MCM8: variants seen among roughly 807,000 people sequenced by gnomAD.
MCM8 encodes minichromosome maintenance 8 homologous recombination repair factor, also known as DNA helicase MCM8.
Under a neutral mutation model 98.9 loss-of-function variants are expected in MCM8, and 85 were observed. The ratio of observed to expected loss-of-function variants is 0.86; its 90% CI spans 0.72 to 1.03. The LOEUF is 1.03. Ranked by LOEUF, MCM8 falls within the 50% of genes least tolerant of loss-of-function variation. MCM8 has a pLI of 0.00. For missense variants in MCM8, 951 were observed against 997.8 expected, an observed-to-expected ratio of 0.95 and a Z score of 0.63; for synonymous variants, 352 against 338.6, an observed-to-expected ratio of 1.04 and a Z score of -0.44.
At chr20:5,983,302 A>G in intron 14 of MCM8, 137 bp downstream of exon 14, 1 of 722,678 alleles carries the variant, frequency 1.4e-6, no homozygotes, top group Admixed American at 3.3e-5. Flanking sequence ...AAATGCACAA[A>G]AATGTGCTTA....
At chr20:5,967,776 ATTG>A (rs760488808) in intron 9 of MCM8, 51 bp from the exon 10 acceptor site, 27 of 1,073,568 alleles carry the variant, frequency 2.5e-5, no homozygotes, top group Non-Finnish European at 2.9e-5. Context: ...TAGTTGAGTC[ATTG>A]TAGGGAAAAT....
In MCM8 at chr20:5,955,156, G is replaced by C. The variant is rs1356278104; in HGVS notation, c.391G>C (p.Gly131Arg). 6.2e-7 allele frequency: 1 copy of C among 1,611,338 alleles called. No individual in the cohort carries two copies. The highest frequency in any genetic ancestry group is 1.1e-5 in the South Asian group (1 of 90,912). The part of the protein sequence containing the change: ...ILVDFKELTE[G>R]GEVTNLIPDI... ...GGTAGATTTTAAAGAACTGACAGAA[G>C]GTGGTGAAGTAACTAACTTGATACC... Residue 131 changes from glycine (G) to arginine (R), a missense_variant, in exon 5 of 19, where the codon GGT becomes CGT. Gly to Arg is a moderately radical substitution (Grantham distance 125). Transcript: ENST00000610722.
intron 8 of MCM8, among the ~76,000 whole-genome samples, chr20:5,966,171 C>G (rs1248958486): frequency 6.6e-6 from 1 of 152,054 alleles, no homozygotes; most frequent in African/African-American, 2.4e-5. Flanking sequence ...CCTTTGAGGA[C>G]TGGACTTTTC....
chr20:5,961,108 G>A (rs1331936787), intron 7 of MCM8, among the ~76,000 whole-genome samples: 1 of 152,118 alleles, frequency 6.6e-6, no homozygotes, highest in Non-Finnish European at 1.5e-5. Flanking sequence ...GGGCATGGTG[G>A]CATATGCCTG....
intron 17 of MCM8, 58 bp from the exon 18 acceptor site, chr20:5,993,448 G>A (rs2089892081): frequency 7.3e-7 from 1 of 1,362,838 alleles, no homozygotes; most frequent in South Asian, 2.0e-5. Flanking sequence ...GAAAGCCCAG[G>A]ACAACAATTT....
intron 8 of MCM8, 89 bp from the exon 9 acceptor site, chr20:5,967,347 C>A: frequency 8.6e-7 from 1 of 1,163,296 alleles, no homozygotes; most frequent in Non-Finnish European, 1.2e-6. Flanking sequence ...TTTTATCTTC[C>A]TCAGCATCAT....
At chr20:5,972,779 C>A in intron 11 of MCM8, 1 of 1,380,202 alleles carries the variant, frequency 7.2e-7, no homozygotes, top group Non-Finnish European at 9.5e-7. Context: ...AAAGCAAAAA[C>A]AAATATTTCT....
chr20:5,983,162 T>TA lies in MCM8; in HGVS notation c.1733dup (p.Met579AsnfsTer10), dbSNP rs756233245. ...AAAGCCAAAACAGTTTCTGAGAATT[T>TA]AAAGTAAGTCTCTTCAAATATTTAT... On this transcript the variant is annotated frameshift_variant, in exon 14 of 19. Transcript: ENST00000610722. LOFTEE classifies it high-confidence loss of function. 1.3e-5 allele frequency: 21 copies of TA among 1,609,436 alleles called. No individual in the cohort carries two copies. The highest frequency in any genetic ancestry group is 1.6e-5 in the Non-Finnish European group (19 of 1,177,634).
rs368361692 is a variant in MCM8 at position 5,984,799 on chromosome 20, A to C, written c.1752A>C (p.Leu584=). ...SENLKMGSAL[L]SRFDLVFILL... is the part of the protein sequence containing the mutation. ...TTCATAGAATGGGGAGTGCACTACT[A>C]TCCAGATTTGATTTGGTCTTTATCC... The change falls in exon 15 of 19, where the codon CTA becomes CTC. Residue 584 remains leucine, a synonymous_variant. Transcript: ENST00000610722. 1.9e-6 allele frequency: 3 copies of C among 1,613,324 alleles called. No homozygotes were observed. The highest frequency in any genetic ancestry group is 1.1e-5 in the South Asian group (1 of 91,050).
At chr20:5,972,743 T>C in intron 11 of MCM8, 1 of 1,319,246 alleles carries the variant, frequency 7.6e-7, no homozygotes, top group African/African-American at 1.5e-5. Context: ...AATGGGCTTT[T>C]AAAGTGACTA....
In MCM8 at chr20:5,975,536, G is replaced by A. The variant is rs190142865; in HGVS notation, c.1395+2340G>A. 3.2e-4 allele frequency among the ~76,000 whole-genome samples: 45 copies of A among 138,724 alleles called. 1 individual carries two copies. In the East Asian group the frequency reaches 7.4e-3, roughly 23 times the overall value. 91.0% of individuals were successfully genotyped at this position (138,724 alleles called of 152,430 possible). A position where few individuals can be genotyped will look rare whatever the true frequency, so the allele number is the denominator to read the frequency against. On this transcript the variant is annotated intron_variant, in intron 12 of 18. Transcript: ENST00000610722. ...TTTTGAGTCGGAGTCTCGCTCTGCC[G>A]CCCAGGCTGGAGTGCAGTGGCATGA...
intron 13 of MCM8, among the ~76,000 whole-genome samples, chr20:5,978,625 G>A (rs1203001701): frequency 1.3e-5 from 2 of 152,156 alleles, no homozygotes; most frequent in African/African-American, 2.4e-5. Flanking sequence ...GTGCAGTGGT[G>A]CAGTCTCAGC....
chr20:5,961,332 C>T (rs181841652), intron 7 of MCM8, among the ~76,000 whole-genome samples: 3 of 152,260 alleles, frequency 2.0e-5, no homozygotes, highest in Admixed American at 1.3e-4. Flanking sequence ...CCAGAGTCAT[C>T]GTTATCACCA....
chr20:5,956,407 A>G (rs1030511199), intron 5 of MCM8, among the ~76,000 whole-genome samples: 2 of 152,106 alleles, frequency 1.3e-5, no homozygotes, highest in African/African-American at 2.4e-5. Context: ...AAGTGGTATT[A>G]AATGTTTGTT....
Position 5,991,729 on chromosome 20 carries a change from A to T in MCM8, c.2241-1777A>T, listed in dbSNP as rs972252326. The stretch of plus-strand genomic sequence containing the variant: ...CTTAGTTTATGAGAGCAGGGACCTT[A>T]TCTGACTCATTTACCAGTATATTCC... On this transcript the variant is annotated intron_variant, in intron 17 of 18. Transcript: ENST00000610722. Among the ~76,000 whole-genome samples, 12 of 152,200 alleles carry T rather than the reference A, an allele frequency of 7.9e-5. 1 individual carries two copies. Among genetic ancestry groups the T allele is most frequent in the Non-Finnish European group, 1.5e-5 (1 of 68,004 alleles).
chr20:5,988,461 C>CA (rs112221879), intron 17 of MCM8, among the ~76,000 whole-genome samples: 10,936 of 138,974 alleles, frequency 0.079, 491 homozygotes, highest in East Asian at 0.25. Flanking sequence ...GACTCTGTCT[C>CA]AAAAAAAAAA....
chr20:5,967,720 T>C (rs938058181), intron 9 of MCM8, 110 bp from the exon 10 acceptor site: 1 of 1,362,850 alleles, frequency 7.3e-7, no homozygotes, highest in Admixed American at 2.3e-5. Flanking sequence ...CATTCCCTTT[T>C]AAAAAAACAT....
At chr20:5,953,958 G>A (rs186795590) in intron 3 of MCM8, among the ~76,000 whole-genome samples, 43 of 152,064 alleles carry the variant, frequency 2.8e-4, no homozygotes, top group African/African-American at 9.9e-4. Flanking sequence ...GTTCCTTTAG[G>A]ATGTATTAGC....
intron 13 of MCM8, among the ~76,000 whole-genome samples, chr20:5,979,210 G>T (rs987779840): frequency 3.3e-5 from 5 of 152,064 alleles, no homozygotes; most frequent in African/African-American, 7.2e-5. Flanking sequence ...TGGTTTCCAG[G>T]CCACTTTACT....
Sources: allele counts gnomAD v4.1 joint callset (sites outside exome capture counted in the v4.1 genomes callset), GRCh38; gene constraint gnomAD v4.1.1; transcripts MANE v1.5; gene names NCBI Gene and HGNC (gene_info 2026-07-23, HGNC 2026-07-21).